IL18RAP: variants seen among roughly 807,000 people sequenced by gnomAD.
IL18RAP encodes interleukin 18 receptor accessory protein.
Under a neutral mutation model 58.1 loss-of-function variants are expected in IL18RAP, and 37 were observed. The ratio of observed to expected loss-of-function variants is 0.64; its 90% CI spans 0.49 to 0.84. IL18RAP has a LOEUF of 0.84. Ranked by LOEUF, IL18RAP falls within the 40% of genes least tolerant of loss-of-function variation. The pLI is 0.00. For missense variants in IL18RAP, 667 were observed against 704.8 expected (o/e 0.95, Z 0.61); for synonymous variants, 268 against 257.5 (o/e 1.04, Z -0.39).
chr2:102,436,334 T>G (rs1682735568), intron 3 of IL18RAP, among the ~76,000 whole-genome samples: 1 of 152,194 alleles, frequency 6.6e-6, no homozygotes, highest in African/African-American at 2.4e-5. Context: ...ATCTTTGAAT[T>G]TCCCCCTATG....
chr2:102,430,943 T>G (rs1455435107), intron 3 of IL18RAP, among the ~76,000 whole-genome samples: 2 of 152,194 alleles, frequency 1.3e-5, no homozygotes, highest in African/African-American at 2.4e-5. Flanking sequence ...TTAACCTTCA[T>G]AGTAATGATA....
intron 4 of IL18RAP, 103 bp from the exon 5 acceptor site, chr2:102,441,209 C>A: frequency 2.4e-6 from 2 of 825,686 alleles, no homozygotes; most frequent in Non-Finnish European, 2.0e-6. Context: ...GAAGACAGAG[C>A]TCCAAGACAT....
At position 102,450,959 on chromosome 2, in the gene IL18RAP, T is replaced by A; in HGVS notation, c.1322T>A (p.Val441Asp). The A allele has an allele frequency of 1.2e-6, 2 of 1,611,790 alleles. No homozygotes were observed. Among genetic ancestry groups the A allele is most frequent in the Non-Finnish European group, 1.7e-6 (2 of 1,179,078 alleles). Residue 441 changes from valine (V) to aspartate (D), a missense_variant, in exon 9 of 10, where the codon GTT (valine) becomes GAT (aspartate). Physicochemically the swap from Val to Asp is radical, Grantham distance 152. Coordinates refer to ENST00000687160, the MANE Select transcript of IL18RAP (RefSeq NM_001393487.1). ...EHLALSLFPDVLENKYGYSLC... is the reference protein window; with the variant it reads ...EHLALSLFPDDLENKYGYSLC... ...TTGGCCCTGAGCCTATTTCCTGATG[T>A]TTTAGAAAACAAATATGGATATAGC...
intron 3 of IL18RAP, among the ~76,000 whole-genome samples, chr2:102,427,269 A>C (rs1342881079): frequency 6.6e-6 from 1 of 152,144 alleles, no homozygotes; most frequent in Non-Finnish European, 1.5e-5. Context: ...ATATGTACCC[A>C]AAAGTGGGAT....
chr2:102,443,373 T>C, intron 6 of IL18RAP, 50 bp downstream of exon 6: 6 of 1,589,550 alleles, frequency 3.8e-6, no homozygotes, highest in Non-Finnish European at 5.1e-6. Context: ...GAAGAGATAC[T>C]TCTACCTTTA....
intron 3 of IL18RAP, chr2:102,434,528 C>T (rs1682604297): frequency 6.6e-6 from 1 of 152,162 alleles, no homozygotes; most frequent in African/African-American, 2.4e-5. Context: ...GGTATGTTCT[C>T]CCTCAAGCCC....
chr2:102,448,802 T>C (rs889679433), intron 8 of IL18RAP, among the ~76,000 whole-genome samples: 10 of 151,396 alleles, frequency 6.6e-5, no homozygotes, highest in African/African-American at 2.4e-4. Flanking sequence ...CTACAAGAAA[T>C]TTTTTAATGT....
At chr2:102,421,799 C>T (rs1373887431), upstream of IL18RAP, among the ~76,000 whole-genome samples, 2 of 152,200 alleles carry the variant, frequency 1.3e-5, no homozygotes, top group African/African-American at 4.8e-5. Flanking sequence ...TCCACCTGGA[C>T]AAAGTGGTCT....
chr2:102,427,310 T>G (rs1231864038), intron 3 of IL18RAP, among the ~76,000 whole-genome samples: 1 of 152,098 alleles, frequency 6.6e-6, no homozygotes, highest in Non-Finnish European at 1.5e-5. Flanking sequence ...CTATTTTTAG[T>G]TTTTCTGATG....
chr2:102,435,170 G>C (rs1388362523), intron 3 of IL18RAP: 1 of 152,170 alleles, frequency 6.6e-6, no homozygotes, highest in South Asian at 2.1e-4. Context: ...TGTGGTGGGA[G>C]CTGAGAGTTC....
rs1683785013 is a variant in IL18RAP, at chr2:102,451,817, T to G, written c.1436T>G (p.Phe479Cys). ...SIIKRSRRGI[F>C]ILSPNYVNGP... ...ATTAAGAGAAGCAGAAGAGGAATATTTATCTTGAGCCCCAACTATGTCAAT... is the reference window on the plus strand; with the variant it reads ...ATTAAGAGAAGCAGAAGAGGAATATGTATCTTGAGCCCCAACTATGTCAAT... Residue 479 changes from phenylalanine (F) to cysteine (C), a missense_variant, in exon 10 of 10, where the codon TTT (phenylalanine) becomes TGT (cysteine). Coordinates refer to ENST00000687160, the MANE Select transcript of IL18RAP (RefSeq NM_001393487.1). The G allele has an allele frequency of 6.2e-7, 1 of 1,613,952 alleles. No homozygotes were observed. The highest frequency in any genetic ancestry group is 1.7e-5 in the Admixed American group (1 of 60,000).
chr2:102,431,932 C>G (rs1682391003), intron 3 of IL18RAP, among the ~76,000 whole-genome samples: 1 of 152,046 alleles, frequency 6.6e-6, no homozygotes. Context: ...ATCTTTACTT[C>G]TTCCTATTTC....
chr2:102,452,034 C>G lies in IL18RAP; in HGVS notation c.1653C>G (p.Phe551Leu), dbSNP rs1683802604. The G allele has an allele frequency of 6.2e-7, 1 of 1,614,008 alleles. No homozygotes were observed. The highest frequency in any genetic ancestry group is 8.5e-7 in the Non-Finnish European group (1 of 1,180,060). Residue 551 changes from phenylalanine to leucine, a missense_variant, in exon 10 of 10, where the codon TTC (phenylalanine) becomes TTG (leucine). Transcript: ENST00000687160. ...GLKSVPPNSR[F>L]WAKMRYHMPV... ...AATCAGTTCCTCCCAATTCTAGGTTCTGGGCCAAAATGCGCTACCACATGC... is the reference window on the plus strand; with the variant it reads ...AATCAGTTCCTCCCAATTCTAGGTTGTGGGCCAAAATGCGCTACCACATGC...
At chr2:102,447,726 G>T (rs113030214) in intron 8 of IL18RAP, among the ~76,000 whole-genome samples, 4,205 of 149,700 alleles carry the variant, frequency 0.028, 216 homozygotes, top group African/African-American at 0.098. Context: ...ATGTATGTAT[G>T]TATTTATTTA....
chr2:102,446,367 A>T (rs1407369934), intron 7 of IL18RAP, among the ~76,000 whole-genome samples: 1 of 151,914 alleles, frequency 6.6e-6, no homozygotes, highest in Non-Finnish European at 1.5e-5. Flanking sequence ...CAATCTGAAA[A>T]TCTTTAGATT....
chr2:102,429,297 G>T (rs1013414636), intron 3 of IL18RAP, among the ~76,000 whole-genome samples: 1 of 151,742 alleles, frequency 6.6e-6, no homozygotes. Context: ...ATCCAATCTT[G>T]GTAGGTTGTA....
In IL18RAP at chr2:102,436,817, G is replaced by GTATATA. The variant is rs1319404532; in HGVS notation, c.580-394_580-393insATATAT. Among the ~76,000 whole-genome samples, 16 of 126,144 alleles carry GTATATA rather than the reference G, an allele frequency of 1.3e-4. No individual in the cohort carries two copies. The South Asian group carries it at 2.6e-3, about 21-fold the overall frequency. The allele number at this position is 126,144 out of a possible 152,430, so 82.8% of individuals were successfully genotyped here. On this transcript the variant is annotated intron_variant, in intron 3 of 9. Coordinates refer to ENST00000687160, the MANE Select transcript of IL18RAP (RefSeq NM_001393487.1). Reference sequence around the variant, plus strand: ...TGTATGTATATATATGTGTGTGTGTGTGTATATATATATATGTATGTATAC... The same window carrying GTATATA: ...TGTATGTATATATATGTGTGTGTGTGTATATATGTATATATATATATGTATGTATAC...
chr2:102,442,738 C>G (rs11465708), intron 5 of IL18RAP, among the ~76,000 whole-genome samples: 1 of 142,428 alleles, frequency 7.0e-6, no homozygotes, highest in Non-Finnish European at 1.6e-5. Context: ...TGCTTAATAT[C>G]GAAATAATTT....
At chr2:102,437,812 C>T (rs1385497716) in intron 4 of IL18RAP, among the ~76,000 whole-genome samples, 1 of 152,158 alleles carries the variant, frequency 6.6e-6, no homozygotes, top group Non-Finnish European at 1.5e-5. Context: ...ATAGTAACAT[C>T]TTGTCATTTA....
Sources: allele counts gnomAD v4.1 joint callset (sites outside exome capture counted in the v4.1 genomes callset), GRCh38; gene constraint gnomAD v4.1.1; transcripts MANE v1.5; gene names NCBI Gene and HGNC (gene_info 2026-07-23, HGNC 2026-07-21).